The following INPP4B variants were observed in gnomAD, a reference collection of about 807,000 sequenced individuals.
The protein encoded by INPP4B is inositol polyphosphate-4-phosphatase type II B.
A neutral mutation model predicts 122.5 loss-of-function variants in INPP4B; 55 were observed. That is an observed-to-expected ratio of 0.45 (90% CI 0.36 to 0.56). The LOEUF (loss-of-function observed/expected upper bound fraction) is 0.56, where lower values mean the gene tolerates loss of function less well. INPP4B is among the 20% of genes least tolerant of loss of function. The pLI is 0.00. For synonymous variants in INPP4B, 403 were observed against 388.7 expected, an observed-to-expected ratio of 1.04 and a Z score of -0.43; for missense variants, 1,000 against 1,097.7, an observed-to-expected ratio of 0.91 and a Z score of 1.26.
At chr4:142,428,293 A>C (rs910068550) in intron 5 of INPP4B, among the ~76,000 whole-genome samples, 16 of 151,422 alleles carry the variant, frequency 1.1e-4, no homozygotes, top group African/African-American at 3.6e-4. Flanking sequence ...TATATATATT[A>C]ATATGTAAAG....
At chr4:142,683,340 CT>C (rs1324249953) in intron 2 of INPP4B, among the ~76,000 whole-genome samples, 3 of 151,788 alleles carry the variant, frequency 2.0e-5, no homozygotes, top group African/African-American at 7.2e-5. Context: ...AGTGAAAGGA[CT>C]TTCCCCATCA....
intron 1 of INPP4B, among the ~76,000 whole-genome samples, chr4:142,756,201 A>G (rs2150961606): frequency 6.6e-6 from 1 of 152,194 alleles, no homozygotes; most frequent in East Asian, 1.9e-4. Context: ...TCATGTCTAC[A>G]TGTTATAAAA....
At chr4:142,251,682 G>A (rs978175143) in intron 11 of INPP4B, among the ~76,000 whole-genome samples, 1 of 152,116 alleles carries the variant, frequency 6.6e-6, no homozygotes, top group African/African-American at 2.4e-5. Flanking sequence ...CTGTGTAAGT[G>A]GACTTGATGT....
At chr4:142,393,559 A>T in intron 7 of INPP4B, among the ~76,000 whole-genome samples, 1 of 152,210 alleles carries the variant, frequency 6.6e-6, no homozygotes, top group East Asian at 1.9e-4. Flanking sequence ...AATCTCTCAA[A>T]ATTGAGAAAG....
rs897622852 is a variant in INPP4B at position 142,028,979 on chromosome 4, T to C, written c.2643-65A>G. ...AATAAATAAATATGCTTTATTTGTT[T>C]AATGCAGAGTTGCAGCAACCATCCA... On this transcript the variant is annotated intron_variant, in intron 25 of 25. Transcript: ENST00000262992. The C allele has an allele frequency of 3.3e-6, 5 of 1,535,038 alleles. No individual in the cohort carries two copies. In the African/African-American group the frequency reaches 5.5e-5, roughly 17 times the overall value.
chr4:142,023,753 G>T lies in INPP4B; in HGVS notation c.*5029C>A, dbSNP rs1736178316. The T allele has an allele frequency of 6.6e-6, 1 of 152,050 alleles. No homozygotes were observed. The highest frequency in any genetic ancestry group is 2.4e-5 in the African/African-American group (1 of 41,394). 9.4% of individuals were successfully genotyped at this position (152,050 alleles called of 1,614,324 possible). A position where few individuals can be genotyped will look rare whatever the true frequency, so the allele number is the denominator to read the frequency against. On this transcript the variant is annotated 3_prime_UTR_variant, in exon 26 of 26. Transcript: ENST00000262992. ...GCAACATTTTTCTTCCTAAAGAACT[G>T]TATTTACTAAAATATATTTTTTTTG...
chr4:142,120,682 C>T (rs1796196055), intron 21 of INPP4B, among the ~76,000 whole-genome samples: 2 of 152,074 alleles, frequency 1.3e-5, no homozygotes, highest in Admixed American at 1.3e-4. Flanking sequence ...GTTAGTGAAG[C>T]TGCTGGTGTT....
Position 142,740,667 on chromosome 4 carries a change from A to C in INPP4B, c.-253-14766T>G, listed in dbSNP as rs957220938. Among the ~76,000 whole-genome samples, 5 of 151,976 alleles carry C rather than the reference A, an allele frequency of 3.3e-5. No homozygotes were observed. In the South Asian group the frequency reaches 1.0e-3, roughly 32 times the overall value. On this transcript the variant is annotated intron_variant, in intron 1 of 25. Transcript: ENST00000262992. ...GCTGTTGGAGTTTACAACACTCAAA[A>C]GCCCAAAAGGGTGGACAATAAAAAA...
At chr4:142,826,511 C>CAT (rs1243223725) in intron 1 of INPP4B, among the ~76,000 whole-genome samples, 4 of 147,022 alleles carry the variant, frequency 2.7e-5, no homozygotes, top group Non-Finnish European at 6.1e-5. Context: ...CACACACACA[C>CAT]ACACACAAAT....
intron 25 of INPP4B, among the ~76,000 whole-genome samples, chr4:142,052,919 C>A (rs1578735934): frequency 6.6e-6 from 1 of 152,004 alleles, no homozygotes; most frequent in Admixed American, 6.6e-5. Context: ...AGGCACTGTA[C>A]TAGATGCCTG....
In INPP4B at chr4:142,757,219, C is replaced by T. The variant is rs1580846502; in HGVS notation, c.-253-31318G>A. On this transcript the variant is annotated intron_variant, in intron 1 of 25. Transcript: ENST00000262992. ...CACAACCCTGATATTATCAACAGTC[C>T]AAGCTCATTCTCTATCCAACCACAT... Among the ~76,000 whole-genome samples the T allele has an allele frequency of 2.0e-5, 3 of 152,162 alleles. No individual in the cohort carries two copies. The South Asian group carries it at 6.2e-4, about 32-fold the overall frequency.
chr4:142,528,089 A>G (rs1022102487), intron 2 of INPP4B, among the ~76,000 whole-genome samples: 1 of 152,104 alleles, frequency 6.6e-6, no homozygotes, highest in African/African-American at 2.4e-5. Flanking sequence ...CCTTAAACAC[A>G]CATTTTACTA....
intron 2 of INPP4B, among the ~76,000 whole-genome samples, chr4:142,699,873 T>C (rs1240376006): frequency 6.6e-6 from 1 of 152,146 alleles, no homozygotes; most frequent in Non-Finnish European, 1.5e-5. Flanking sequence ...CTAACTCCAA[T>C]TTATACTAAA....
At chr4:142,030,176 A>G (rs1444514781) in intron 25 of INPP4B, 3 of 1,535,598 alleles carry the variant, frequency 2.0e-6, no homozygotes, top group Admixed American at 3.9e-5. Context: ...TAAGCCACAC[A>G]ACTAGCAGGT....
chr4:142,091,157 G>A (rs1049291724), intron 23 of INPP4B, among the ~76,000 whole-genome samples: 10 of 152,252 alleles, frequency 6.6e-5, no homozygotes, highest in Non-Finnish European at 2.9e-5. Context: ...TGTTTCTTAC[G>A]AAAATTCCAA....
At chr4:142,048,876 G>A (rs1752979917) in intron 25 of INPP4B, among the ~76,000 whole-genome samples, 1 of 152,026 alleles carries the variant, frequency 6.6e-6, no homozygotes, top group Admixed American at 6.6e-5. Context: ...AATAATCAAG[G>A]TGTGAGGCAA....
chr4:142,286,477 TG>T (rs1753759183), intron 9 of INPP4B, among the ~76,000 whole-genome samples: 1 of 152,238 alleles, frequency 6.6e-6, no homozygotes, highest in African/African-American at 2.4e-5. Context: ...TATATATTTT[TG>T]TAAATCTTTG....
intron 6 of INPP4B, among the ~76,000 whole-genome samples, chr4:142,403,399 T>C (rs1221638484): frequency 6.6e-6 from 1 of 152,240 alleles, no homozygotes; most frequent in Non-Finnish European, 1.5e-5. Flanking sequence ...TCTAAGATAT[T>C]GACTCATCAA....
chr4:142,527,919 A>T (rs1258198877), intron 2 of INPP4B, among the ~76,000 whole-genome samples: 1 of 152,056 alleles, frequency 6.6e-6, no homozygotes, highest in East Asian at 1.9e-4. Context: ...CTGGTGGTAC[A>T]AATAAAATGG....
Sources: gnomAD v4.1 joint callset for allele counts (sites outside exome capture counted in the v4.1 genomes callset) on GRCh38, gnomAD v4.1.1 for gene constraint, MANE v1.5 for transcripts, NCBI Gene and HGNC (gene_info 2026-07-23, HGNC 2026-07-21) for gene names.